Variants in FAF1 observed in about 807,000 individuals in gnomAD.
FAF1 encodes the protein FAS-associated factor 1.
In FAF1, 25 loss-of-function variants were observed where a neutral mutation model predicts 92.5. That is an observed-to-expected ratio of 0.27 (90% CI 0.20 to 0.38). FAF1 has a LOEUF of 0.38. Among genes scored for constraint, FAF1 ranks in the 10% least tolerant of loss-of-function variants. The pLI is 1.00. For missense variants in FAF1, 636 were observed against 793.3 expected, an observed-to-expected ratio of 0.80 and a Z score of 2.38; for synonymous variants, 234 against 273.2, an observed-to-expected ratio of 0.86 and a Z score of 1.42.
At chr1:50,889,776 T>C (rs995390477) in intron 1 of FAF1, among the ~76,000 whole-genome samples, 2 of 152,242 alleles carry the variant, frequency 1.3e-5, no homozygotes, top group African/African-American at 4.8e-5. Flanking sequence ...AGGAGTGCTT[T>C]ACTTCCAACT....
At chr1:50,674,913 C>T (rs1465545114) in intron 7 of FAF1, among the ~76,000 whole-genome samples, 1 of 129,862 alleles carries the variant, frequency 7.7e-6, no homozygotes, top group East Asian at 2.1e-4. Flanking sequence ...TTTTGAGATG[C>T]AGTTTCGCTC....
At chr1:50,784,315 A>C (rs1273701136) in intron 4 of FAF1, among the ~76,000 whole-genome samples, 1 of 152,136 alleles carries the variant, frequency 6.6e-6, no homozygotes, top group East Asian at 1.9e-4. Context: ...AAAAACTTAG[A>C]ACTAATAAAT....
At chr1:50,485,667 C>CAAAAAAAAAAAA (rs999538430) in intron 17 of FAF1, among the ~76,000 whole-genome samples, 2 of 13,712 alleles carry the variant, frequency 1.5e-4, no homozygotes, top group African/African-American at 2.4e-4. Context: ...GAGACTGTCT[C>CAAAAAAAAAAAA]AAAAAAAAAA....
chr1:50,883,112 C>A (rs1230685084), intron 1 of FAF1, among the ~76,000 whole-genome samples: 2 of 151,930 alleles, frequency 1.3e-5, no homozygotes, highest in Non-Finnish European at 2.9e-5. Context: ...CACCTGGAAA[C>A]CCCTATTTAC....
rs537950143 is a variant in FAF1, at chr1:50,863,250, C to T, written c.46-5253G>A. Reference sequence around the variant, plus strand: ...GCAAATACATGGAAATTAAATAATCCGCTCCTGAATGATCTTTGGGTCAAC... The same window carrying T: ...GCAAATACATGGAAATTAAATAATCTGCTCCTGAATGATCTTTGGGTCAAC... On this transcript the variant is annotated intron_variant, in intron 1 of 18. Transcript: ENST00000396153. Among the ~76,000 whole-genome samples, 129 of 151,838 alleles carry T rather than the reference C, an allele frequency of 8.5e-4. 2 individuals are homozygous for T. Among genetic ancestry groups the T allele is most frequent in the Admixed American group, 1.2e-3 (18 of 15,224 alleles).
chr1:50,786,113 C>A (rs993463721), intron 4 of FAF1, among the ~76,000 whole-genome samples: 27 of 148,864 alleles, frequency 1.8e-4, no homozygotes, highest in East Asian at 1.7e-3. Flanking sequence ...GCCTGGGTGA[C>A]AGTGTGAGAC....
chr1:50,499,372 T>TG (rs1030963400), intron 15 of FAF1, among the ~76,000 whole-genome samples: 1 of 151,828 alleles, frequency 6.6e-6, no homozygotes, highest in African/African-American at 2.4e-5. Flanking sequence ...GGTTTTTTTT[T>TG]TTTTTTTTTT....
At chr1:50,927,978 G>A (rs1440858511) in intron 1 of FAF1, among the ~76,000 whole-genome samples, 1 of 152,178 alleles carries the variant, frequency 6.6e-6, no homozygotes, top group African/African-American at 2.4e-5. Context: ...ATACTGTTAG[G>A]ATTTGTGTTC....
At chr1:50,814,465 A>G (rs1454910948) in intron 2 of FAF1, among the ~76,000 whole-genome samples, 1 of 152,214 alleles carries the variant, frequency 6.6e-6, no homozygotes, top group Non-Finnish European at 1.5e-5. Context: ...GACTACAGAT[A>G]AATTCAAAAA....
intron 8 of FAF1, among the ~76,000 whole-genome samples, chr1:50,652,828 C>CT (rs1184973202): frequency 6.6e-6 from 1 of 152,116 alleles, no homozygotes; most frequent in Admixed American, 6.6e-5. Context: ...ATTACAATAA[C>CT]TTTTTTTGCA....
chr1:50,901,919 A>G (rs570799934), intron 1 of FAF1, among the ~76,000 whole-genome samples: 36 of 152,334 alleles, frequency 2.4e-4, no homozygotes, highest in African/African-American at 8.4e-4. Flanking sequence ...ATGGTTTAGA[A>G]GTACTATAAG....
intron 7 of FAF1, among the ~76,000 whole-genome samples, chr1:50,693,284 C>T (rs188028264): frequency 2.4e-4 from 36 of 152,188 alleles, no homozygotes; most frequent in African/African-American, 7.9e-4. Flanking sequence ...ATGTAGATAT[C>T]TAGTTGTCCC....
At chr1:50,835,820 C>T (rs1020231913) in intron 2 of FAF1, among the ~76,000 whole-genome samples, 2 of 152,118 alleles carry the variant, frequency 1.3e-5, no homozygotes, top group African/African-American at 4.8e-5. Flanking sequence ...TGTAGGATGG[C>T]TTCCAGATAT....
At chr1:50,647,601 T>G (rs550314085) in intron 8 of FAF1, among the ~76,000 whole-genome samples, 4 of 152,280 alleles carry the variant, frequency 2.6e-5, no homozygotes, top group African/African-American at 9.6e-5. Flanking sequence ...ATTAAAACAA[T>G]AAATAAAACA....
rs1232415978 is a variant in FAF1 at position 50,669,257 on chromosome 1, T to C, written c.658-13729A>G. ...TATGTCATGCTATAGAACCAAGAAA[T>C]TGCTGTTTTACATCTCTAACTATGG... On this transcript the variant is annotated intron_variant, in intron 7 of 18. Coordinates refer to ENST00000396153, the MANE Select transcript of FAF1 (RefSeq NM_007051.3). Among the ~76,000 whole-genome samples, 7 of 152,186 alleles carry C rather than the reference T, an allele frequency of 4.6e-5. No homozygotes were observed. The South Asian group carries it at 1.5e-3, about 32-fold the overall frequency.
At chr1:50,594,003 T>C (rs909042365) in intron 9 of FAF1, among the ~76,000 whole-genome samples, 2 of 152,184 alleles carry the variant, frequency 1.3e-5, no homozygotes, top group African/African-American at 2.4e-5. Context: ...ACTTGAATCA[T>C]GCTCTGTCTT....
chr1:50,679,684 G>C (rs2124363217), intron 7 of FAF1, among the ~76,000 whole-genome samples: 1 of 152,204 alleles, frequency 6.6e-6, no homozygotes, highest in African/African-American at 2.4e-5. Flanking sequence ...ATGAATAAAA[G>C]TATAACATTA....
chr1:50,943,541 A>C (rs142142028), intron 1 of FAF1, among the ~76,000 whole-genome samples: 1 of 152,324 alleles, frequency 6.6e-6, no homozygotes, highest in East Asian at 1.9e-4. Context: ...AATGCCTTCC[A>C]GGGCCAAGGT....
In FAF1 at chr1:50,545,349, AC is replaced by A. The variant is rs1319972326; in HGVS notation, c.1269-5622del. ...GAGTGCAGTGATGCCATCTTGGCTT[AC>A]TGCAACCTCCGCCTCCCGAGTGATT... On this transcript the variant is annotated intron_variant, in intron 13 of 18. Coordinates refer to ENST00000396153, the MANE Select transcript of FAF1 (RefSeq NM_007051.3). 6.6e-5 allele frequency among the ~76,000 whole-genome samples: 10 copies of A among 152,150 alleles called. No individual in the cohort carries two copies. The East Asian group carries it at 1.7e-3, about 26-fold the overall frequency.
Sources: allele counts gnomAD v4.1 joint callset (sites outside exome capture counted in the v4.1 genomes callset), GRCh38; gene constraint gnomAD v4.1.1; transcripts MANE v1.5; gene names NCBI Gene and HGNC (gene_info 2026-07-23, HGNC 2026-07-21).